CHIC2: variants seen among roughly 807,000 people sequenced by gnomAD.
CHIC2 encodes cysteine-rich hydrophobic domain-containing protein 2.
Under a neutral mutation model 25.9 loss-of-function variants are expected in CHIC2, and 14 were observed. The observed-to-expected ratio is 0.54, with a 90% CI of 0.36 to 0.85. The LOEUF (loss-of-function observed/expected upper bound fraction) is 0.85. Ranked by LOEUF, CHIC2 falls within the 40% of genes least tolerant of loss-of-function variation. The probability of loss-of-function intolerance (pLI) is 0.01; values close to 1 mark genes in which losing one functional copy is unlikely to be tolerated. For missense variants in CHIC2, 146 were observed against 202.0 expected, an observed-to-expected ratio of 0.72 and a Z score of 1.68; for synonymous variants, 70 against 72.0, an observed-to-expected ratio of 0.97 and a Z score of 0.14.
At chr4:54,042,331 T>C (rs530326244) in intron 3 of CHIC2, among the ~76,000 whole-genome samples, 1 of 152,298 alleles carries the variant, frequency 6.6e-6, no homozygotes, top group African/African-American at 2.4e-5. Context: ...AAACTACAGA[T>C]TAAACTAGCT....
intron 1 of CHIC2, among the ~76,000 whole-genome samples, chr4:54,055,215 C>G (rs1228162419): frequency 1.3e-5 from 2 of 152,000 alleles, no homozygotes; most frequent in East Asian, 3.9e-4. Flanking sequence ...CTCAAGTGAT[C>G]TTTCTGCCTC....
At chr4:54,089,414 T>TATATATATATATATATAC in the CHIC2 span, among the ~76,000 whole-genome samples, 1 of 117,876 alleles carries the variant, frequency 8.5e-6, no homozygotes, top group African/African-American at 3.0e-5. Flanking sequence ...TATATATATA[T>TATATATATATATATATAC]ACACACACAT....
the CHIC2 span, among the ~76,000 whole-genome samples, chr4:54,074,681 A>G: frequency 7.3e-5 from 11 of 151,606 alleles, no homozygotes; most frequent in African/African-American, 2.7e-4. Flanking sequence ...TCTTATATTT[A>G]TGTGATTTTT....
chr4:54,081,043 T>A, the CHIC2 span, among the ~76,000 whole-genome samples: 1 of 149,526 alleles, frequency 6.7e-6, no homozygotes, highest in African/African-American at 2.4e-5. Context: ...ATTAAATATA[T>A]ACAAATTTTA....
the CHIC2 span, among the ~76,000 whole-genome samples, chr4:54,091,534 G>A: frequency 6.6e-6 from 1 of 152,004 alleles, no homozygotes; most frequent in Non-Finnish European, 1.5e-5. Flanking sequence ...TCCCAAACAC[G>A]CTTCACTCAC....
upstream of CHIC2, chr4:54,064,783 C>T: frequency 2.4e-6 from 1 of 419,438 alleles, no homozygotes; most frequent in Non-Finnish European, 3.2e-6. The surrounding 1 kb of genome is among the most constrained non-coding windows in gnomAD (Gnocchi z 4.2). Context: ...CTTTCCTCTG[C>T]TTCTACCCGC....
At chr4:54,032,295 A>ACGGTCTCCCTCTGATGC (rs1716253951) in intron 3 of CHIC2, among the ~76,000 whole-genome samples, 2 of 86,752 alleles carry the variant, frequency 2.3e-5, no homozygotes, top group South Asian at 4.4e-4. Context: ...CTCTCCCTCT[A>ACGGTCTCCCTCTGATGC]CGGTCTCCCT....
chr4:54,056,721 G>GA (rs1717188115), intron 1 of CHIC2, among the ~76,000 whole-genome samples: 1 of 152,042 alleles, frequency 6.6e-6, no homozygotes. Context: ...AAAAGCTTAA[G>GA]AACAAAAAAA....
At chr4:54,069,433 G>T (rs73252930), upstream of CHIC2, among the ~76,000 whole-genome samples, 1 of 152,222 alleles carries the variant, frequency 6.6e-6, no homozygotes, top group Admixed American at 6.5e-5. Flanking sequence ...CCGCGGAGTC[G>T]GGGTGCTCTG....
At chr4:54,067,919 TC>T (rs5858256), upstream of CHIC2, among the ~76,000 whole-genome samples, 809 of 144,856 alleles carry the variant, frequency 5.6e-3, 10 homozygotes, top group African/African-American at 0.018. Context: ...CTGAATTTTG[TC>T]CCCCCCCCCA....
chr4:54,020,984 G>A (rs926300543), intron 3 of CHIC2, among the ~76,000 whole-genome samples: 1 of 152,058 alleles, frequency 6.6e-6, no homozygotes, highest in Non-Finnish European at 1.5e-5. Context: ...CTGCAGCCCA[G>A]GGCTGCTCCC....
At chr4:54,077,204 G>A in the CHIC2 span, among the ~76,000 whole-genome samples, 8 of 152,202 alleles carry the variant, frequency 5.3e-5, no homozygotes, top group African/African-American at 1.9e-4. Flanking sequence ...TTTTCATGCT[G>A]TTATAATCAG....
chr4:54,033,676 C>T (rs1011981795), intron 3 of CHIC2, among the ~76,000 whole-genome samples: 2 of 152,094 alleles, frequency 1.3e-5, no homozygotes, highest in Non-Finnish European at 2.9e-5. Flanking sequence ...TTGAGTTAAA[C>T]TTTCTATTAA....
chr4:54,021,230 A>T (rs1455870211), intron 3 of CHIC2, among the ~76,000 whole-genome samples: 13 of 152,164 alleles, frequency 8.5e-5, no homozygotes, highest in Non-Finnish European at 1.8e-4. Flanking sequence ...TCCATTTTAC[A>T]AGATCTAGAT....
chr4:54,027,545 T>C (rs1716098496), intron 3 of CHIC2, among the ~76,000 whole-genome samples: 1 of 152,206 alleles, frequency 6.6e-6, no homozygotes, highest in South Asian at 2.1e-4. Context: ...GAGAAATCTT[T>C]TATGCAGGAC....
chr4:54,031,344 A>G (rs191105142), intron 3 of CHIC2, among the ~76,000 whole-genome samples: 86 of 152,198 alleles, frequency 5.7e-4, no homozygotes, highest in African/African-American at 1.7e-3. Flanking sequence ...TTATCAGGGA[A>G]TCTTCTTCTT....
chr4:54,042,554 A>G (rs779631807), intron 3 of CHIC2, among the ~76,000 whole-genome samples: 84 of 152,214 alleles, frequency 5.5e-4, no homozygotes, highest in Non-Finnish European at 7.1e-4. Context: ...TCTCAAAGGT[A>G]TCTACAGTAT....
chr4:54,078,350 A>G, the CHIC2 span, among the ~76,000 whole-genome samples: 6 of 152,208 alleles, frequency 3.9e-5, no homozygotes, highest in Non-Finnish European at 1.5e-5. Flanking sequence ...GGATCATGCC[A>G]TTAGAGAACA....
chr4:54,085,513 T>C, the CHIC2 span, among the ~76,000 whole-genome samples: 2 of 152,332 alleles, frequency 1.3e-5, no homozygotes, highest in Middle Eastern at 3.4e-3. Flanking sequence ...AGTAGTTGGT[T>C]TGCCCAGAGC....
Sources: allele counts gnomAD v4.1 joint callset (sites outside exome capture counted in the v4.1 genomes callset), GRCh38; gene constraint gnomAD v4.1.1; non-coding constraint Gnocchi (gnomAD v3.1); transcripts MANE v1.5; gene names NCBI Gene and HGNC (gene_info 2026-07-23, HGNC 2026-07-21).